The following HDAC8 variants were observed in gnomAD, a reference collection of about 807,000 sequenced individuals.
HDAC8 encodes histone deacetylase-like 1.
A neutral mutation model predicts 32.2 loss-of-function variants in HDAC8; 1 was observed. That is an observed-to-expected ratio of 0.03 (90% CI 0.01 to 0.15). The LOEUF (loss-of-function observed/expected upper bound fraction) is 0.15. Among genes scored for constraint, HDAC8 ranks in the 10% least tolerant of loss-of-function variants. The probability of loss-of-function intolerance (pLI) is 1.00; values close to 1 mark genes in which losing one functional copy is unlikely to be tolerated. For synonymous variants in HDAC8, 108 were observed against 113.9 expected (o/e 0.95, Z 0.33); for missense variants, 117 against 300.0 (o/e 0.39, Z 4.51).
At chrX:72,570,357 G>C (rs1556148799) in intron 2 of HDAC8, among the ~76,000 whole-genome samples, 1 of 111,734 alleles carries the variant, frequency 8.9e-6, no homozygotes, top group Non-Finnish European at 1.9e-5. Flanking sequence ...GCTTTGCTTT[G>C]ATATCTTGTT....
At chrX:72,464,908 T>A (rs1467396125) in intron 7 of HDAC8, among the ~76,000 whole-genome samples, 177 bp from the exon 8 acceptor site, 1 of 111,803 alleles carries the variant, frequency 8.9e-6, no homozygotes, top group Non-Finnish European at 1.9e-5. Context: ...ATGTAAATGA[T>A]ACCTTAATAA....
chrX:72,458,196 A>G (rs2047772063), intron 9 of HDAC8, among the ~76,000 whole-genome samples: 1 of 112,416 alleles, frequency 8.9e-6, no homozygotes, highest in African/African-American at 3.2e-5. Context: ...TCATACATAC[A>G]AGCTCCATTC....
At chrX:72,481,175 C>A (rs1476361067) in intron 7 of HDAC8, among the ~76,000 whole-genome samples, 1 of 110,961 alleles carries the variant, frequency 9.0e-6, no homozygotes, top group Non-Finnish European at 1.9e-5. Context: ...CTTCACATGG[C>A]GGCAGGAGGA....
In HDAC8 at chrX:72,436,626, CAGGA is replaced by C. The variant is rs782354933; in HGVS notation, c.1005+25374_1005+25377del. 3.9e-3 allele frequency among the ~76,000 whole-genome samples: 430 copies of C among 109,509 alleles called. 3 individuals are homozygous for C. The highest frequency in any genetic ancestry group is 9.5e-3 in the African/African-American group (287 of 30,127). On this transcript the variant is annotated intron_variant, in intron 9 of 10. Coordinates refer to ENST00000373573, the MANE Select transcript of HDAC8 (RefSeq NM_018486.3). ...AATGATAAAAGAAAAAAAAGAGCAT[CAGGA>C]AGGAAGGAAGGAAGGAAGGAAGGAC...
chrX:72,395,112 G>A (rs1306648374), intron 9 of HDAC8, among the ~76,000 whole-genome samples: 2 of 112,308 alleles, frequency 1.8e-5, no homozygotes, highest in African/African-American at 3.2e-5. Flanking sequence ...GGGGAAAAAA[G>A]TGCTAAGAGC....
At chrX:72,370,429 C>T (rs1476782015) in intron 9 of HDAC8, among the ~76,000 whole-genome samples, 2 of 111,879 alleles carry the variant, frequency 1.8e-5, no homozygotes, top group Middle Eastern at 4.6e-3. Context: ...GGCACGATCT[C>T]GGTTCACTGC....
At chrX:72,500,985 C>T (rs2049195174) in intron 4 of HDAC8, among the ~76,000 whole-genome samples, 1 of 111,306 alleles carries the variant, frequency 9.0e-6, no homozygotes, top group African/African-American at 3.3e-5. Flanking sequence ...AATAGTCAAC[C>T]CGAGAACCAA....
rs184956822 is a variant in HDAC8, at chrX:72,520,180, C to A, written c.438-24912G>T. ...ATGTATTAAATCTTTGCCTAACCAG[C>A]GTCTCAAAAATCTCCTATGTTTGTT... On this transcript the variant is annotated intron_variant, in intron 4 of 10. Transcript: ENST00000373573. Among the ~76,000 whole-genome samples the A allele has an allele frequency of 3.2e-4, 36 of 111,742 alleles. 1 individual carries two copies. Among genetic ancestry groups the A allele is most frequent in the African/African-American group, 1.0e-3 (32 of 30,794 alleles).
chrX:72,557,635 G>A (rs1230719748), intron 4 of HDAC8, among the ~76,000 whole-genome samples: 1 of 110,717 alleles, frequency 9.0e-6, no homozygotes, highest in Non-Finnish European at 1.9e-5. Flanking sequence ...AAGTCTGAAA[G>A]AGCACAAATA....
At chrX:72,528,735 C>G (rs1262518099) in intron 4 of HDAC8, among the ~76,000 whole-genome samples, 1 of 111,543 alleles carries the variant, frequency 9.0e-6, no homozygotes, top group Non-Finnish European at 1.9e-5. Context: ...CCAGGCCATT[C>G]TTATCCAGTC....
At chrX:72,405,763 CTG>C (rs2046020032) in intron 9 of HDAC8, among the ~76,000 whole-genome samples, 1 of 111,982 alleles carries the variant, frequency 8.9e-6, no homozygotes, top group South Asian at 3.7e-4. Context: ...CTTTGTACCT[CTG>C]TGCTGTATTT....
rs781973636 is a variant in HDAC8 at position 72,420,901 on chromosome X, A to T, written c.1005+41103T>A. Among the ~76,000 whole-genome samples the T allele has an allele frequency of 1.4e-3, 160 of 110,472 alleles. 3 individuals carry two copies. In the Admixed American group the frequency reaches 0.015, roughly 10 times the overall value. On this transcript the variant is annotated intron_variant, in intron 9 of 10. Transcript: ENST00000373573. Reference sequence around the variant, plus strand: ...TGTAGTTGGATTATGTTTTTTTTTTAAATTCATTCTGCCAATCTCTGCCTT... The same window carrying T: ...TGTAGTTGGATTATGTTTTTTTTTTTAATTCATTCTGCCAATCTCTGCCTT...
At chrX:72,453,493 A>T (rs1193085433) in intron 9 of HDAC8, among the ~76,000 whole-genome samples, 1 of 108,013 alleles carries the variant, frequency 9.3e-6, no homozygotes, top group Non-Finnish European at 1.9e-5. Flanking sequence ...AGAAAGAAAG[A>T]AAGAAAGAAA....
At chrX:72,364,423 C>G (rs1476524907) in intron 9 of HDAC8, among the ~76,000 whole-genome samples, 11 of 111,822 alleles carry the variant, frequency 9.8e-5, no homozygotes, top group Admixed American at 2.9e-4. Context: ...TTGTCACCAG[C>G]CTCTGACGTG....
At chrX:72,375,750 C>T (rs1211316884) in intron 9 of HDAC8, among the ~76,000 whole-genome samples, 2 of 111,857 alleles carry the variant, frequency 1.8e-5, no homozygotes, top group African/African-American at 6.5e-5. Flanking sequence ...GTAATCTCTT[C>T]TGGAAACACC....
intron 10 of HDAC8, among the ~76,000 whole-genome samples, chrX:72,347,965 G>C (rs1221520734): frequency 8.9e-6 from 1 of 111,823 alleles, no homozygotes; most frequent in African/African-American, 3.3e-5. Flanking sequence ...CTCTCAGAAA[G>C]ACTAATGGGC....
chrX:72,500,084 A>G (rs1469363773), intron 4 of HDAC8, among the ~76,000 whole-genome samples: 1 of 111,427 alleles, frequency 9.0e-6, no homozygotes, highest in African/African-American at 3.3e-5. Flanking sequence ...ACCAGGGAGA[A>G]ACTGATACCC....
chrX:72,441,272 C>G (rs2047134953), intron 9 of HDAC8, among the ~76,000 whole-genome samples: 1 of 112,547 alleles, frequency 8.9e-6, no homozygotes, highest in Non-Finnish European at 1.9e-5. Flanking sequence ...AGCAGCCTAA[C>G]TGGGAGGGAC....
At chrX:72,374,157 C>T (rs1343158785) in intron 9 of HDAC8, among the ~76,000 whole-genome samples, 1 of 111,503 alleles carries the variant, frequency 9.0e-6, no homozygotes, top group African/African-American at 3.3e-5. Context: ...CAATCCTCCC[C>T]GCCTCAGCCT....
Sources: allele counts gnomAD v4.1 joint callset (sites outside exome capture counted in the v4.1 genomes callset), GRCh38; gene constraint gnomAD v4.1.1; transcripts MANE v1.5; gene names NCBI Gene and HGNC (gene_info 2026-07-23, HGNC 2026-07-21).